The following MTA1 variants were observed in gnomAD, a reference collection of about 807,000 sequenced individuals.
MTA1 encodes the protein metastasis-associated protein MTA1.
A neutral mutation model predicts 97.0 loss-of-function variants in MTA1; 15 were observed. The observed-to-expected ratio is 0.15, with a 90% CI of 0.10 to 0.24. The LOEUF (loss-of-function observed/expected upper bound fraction) is 0.24, where lower values mean the gene tolerates loss of function less well. MTA1 is among the 10% of genes least tolerant of loss of function. The probability of loss-of-function intolerance (pLI) is 1.00; values close to 1 mark genes in which losing one functional copy is unlikely to be tolerated. For synonymous variants in MTA1, 435 were observed against 417.5 expected (o/e 1.04, Z -0.51); for missense variants, 709 against 1,015.1 (o/e 0.70, Z 4.10).
chr14:105,438,785 G>T lies in MTA1; in HGVS notation c.96+46G>T, dbSNP rs587626008. On this transcript the variant is annotated intron_variant, in intron 2 of 20. Transcript: ENST00000331320. ...TGCTGCAGGGGGGTAGTGGGTGGGG[G>T]CTACGCCAGCTCCTGCCCTGTGGGT... 3.1e-4 allele frequency: 497 copies of T among 1,593,990 alleles called. 11 individuals are homozygous for T. The South Asian group carries it at 5.0e-3, about 16-fold the overall frequency.
At chr14:105,427,279 T>C (rs1410609591) in intron 1 of MTA1, among the ~76,000 whole-genome samples, 1 of 152,246 alleles carries the variant, frequency 6.6e-6, no homozygotes, top group Non-Finnish European at 1.5e-5. Flanking sequence ...CGAGGCACCC[T>C]GCCCTCTGCC....
At chr14:105,450,029 G>A (rs1555428177) in intron 4 of MTA1, 29 bp from the exon 5 acceptor site, 9 of 1,613,036 alleles carry the variant, frequency 5.6e-6, no homozygotes, top group South Asian at 1.1e-5. Flanking sequence ...CGTCTGCCGC[G>A]GTGCTGACAG....
rs375653237 is a variant in MTA1, at chr14:105,423,063, G to A, written c.28+3000G>A. On this transcript the variant is annotated intron_variant, in intron 1 of 20. Transcript: ENST00000331320. ...AAGATGTTAGATAGCATCCAAAACA[G>A]GACAGCAGGAATCGGTGCCTGCCAG... Among the ~76,000 whole-genome samples, 73 of 152,290 alleles carry A rather than the reference G, an allele frequency of 4.8e-4. 1 individual carries two copies. Among genetic ancestry groups the A allele is most frequent in the African/African-American group, 1.7e-3 (69 of 41,564 alleles).
In MTA1 at chr14:105,467,804, C is replaced by G. The variant is rs375234219; in HGVS notation, c.1813+1062C>G. ...TGGCAGGGCGTCCCAGGAACAGCCCCATAAGAGCTGGTAGAAACAGGAGGG... is the reference window on the plus strand; with the variant it reads ...TGGCAGGGCGTCCCAGGAACAGCCCGATAAGAGCTGGTAGAAACAGGAGGG... On this transcript the variant is annotated intron_variant, in intron 18 of 20. Transcript: ENST00000331320. 2.2e-3 allele frequency: 588 copies of G among 269,242 alleles called. 6 individuals are homozygous for G. Among genetic ancestry groups the G allele is most frequent in the African/African-American group, 0.013 (549 of 43,424 alleles). 16.7% of individuals were successfully genotyped at this position (269,242 alleles called of 1,614,324 possible). A position where few individuals can be genotyped will look rare whatever the true frequency, so the allele number is the denominator to read the frequency against.
At chr14:105,464,181 C>T (rs782416378) in intron 13 of MTA1, 34 bp downstream of exon 13, 31 of 1,582,042 alleles carry the variant, frequency 2.0e-5, no homozygotes, top group Middle Eastern at 3.3e-4. Context: ...GCACACCGCA[C>T]GCCCGCCTGT....
chr14:105,444,209 T>G (rs998976120), intron 2 of MTA1, among the ~76,000 whole-genome samples: 3 of 150,674 alleles, frequency 2.0e-5, no homozygotes, highest in African/African-American at 7.3e-5. Flanking sequence ...CAGTCTCTAC[T>G]AAAAAATACA....
intron 18 of MTA1, 65 bp downstream of exon 18, chr14:105,466,807 T>C (rs1370230555): frequency 2.0e-6 from 3 of 1,510,636 alleles, no homozygotes; most frequent in African/African-American, 2.8e-5. Context: ...GCTGTGCTGC[T>C]CTGTGTCCCC....
At chr14:105,454,157 T>C in intron 6 of MTA1, 36 bp from the exon 7 acceptor site, 10 of 1,530,482 alleles carry the variant, frequency 6.5e-6, no homozygotes, top group Non-Finnish European at 9.0e-6. Context: ...AGCCTGACTG[T>C]GCTGACGCCT....
intron 8 of MTA1, among the ~76,000 whole-genome samples, chr14:105,459,125 G>A (rs1231217951): frequency 1.0e-5 from 1 of 96,034 alleles, no homozygotes; most frequent in South Asian, 5.0e-4. Context: ...CTGTGTGCCT[G>A]GGGGGAGTCC....
intron 3 of MTA1, among the ~76,000 whole-genome samples, chr14:105,446,278 A>T (rs2082715714): frequency 6.6e-6 from 1 of 152,036 alleles, no homozygotes; most frequent in African/African-American, 2.4e-5. Flanking sequence ...GGCAGGCATG[A>T]GGGGCATTTT....
In MTA1 at chr14:105,460,413, A is replaced by G; in HGVS notation, c.709A>G (p.Ser237Gly). 1 of 1,611,826 alleles carries G rather than the reference A, an allele frequency of 6.2e-7. No homozygotes were observed. ...LDCSSSVRQP[S>G]LHMSAAAASR... ...CTGCAGCAGCTCCGTCCGACAGCCC[A>G]GCCTGCACATGAGCGCCGCAGCTGC... Residue 237 changes from serine to glycine, a missense_variant, in exon 9 of 21, where the codon AGC becomes GGC. Ser to Gly is a moderately conservative substitution (Grantham distance 56, BLOSUM62 0). This residue lies in a region of MTA1 where 321 missense variants were observed against 593.5 expected (regional missense o/e 0.54). Coordinates refer to ENST00000331320, the MANE Select transcript of MTA1 (RefSeq NM_004689.4).
At chr14:105,468,927 G>A in intron 18 of MTA1, 1 of 318,634 alleles carries the variant, frequency 3.1e-6, no homozygotes, top group Admixed American at 4.4e-5. Context: ...ACTGTGGGAA[G>A]TCAGAGGCCT....
intron 1 of MTA1, among the ~76,000 whole-genome samples, chr14:105,430,458 C>T (rs2082145350): frequency 6.6e-6 from 1 of 152,046 alleles, no homozygotes; most frequent in African/African-American, 2.4e-5. Context: ...GGAGCAATGA[C>T]CACAGATCGC....
rs782655982 is a variant in MTA1 at position 105,469,418 on chromosome 14, C to T, written c.1814-49C>T. On this transcript the variant is annotated intron_variant, in intron 18 of 20. Coordinates refer to ENST00000331320, the MANE Select transcript of MTA1 (RefSeq NM_004689.4). ...GAGGCCGTGGTGGGCGGTGGGAGTGCAGGACGCGCTCTCTCGGGGCCTCAT... is the reference window on the plus strand; with the variant it reads ...GAGGCCGTGGTGGGCGGTGGGAGTGTAGGACGCGCTCTCTCGGGGCCTCAT... The T allele has an allele frequency of 9.3e-6, 15 of 1,604,812 alleles. No homozygotes were observed. The East Asian group carries it at 3.3e-4, about 36-fold the overall frequency.
chr14:105,425,730 C>T (rs2081989277), intron 1 of MTA1, among the ~76,000 whole-genome samples: 1 of 148,888 alleles, frequency 6.7e-6, no homozygotes, highest in Non-Finnish European at 1.5e-5. Flanking sequence ...TCTGAGTGTG[C>T]GGACTGGGGG....
chr14:105,470,564 T>A lies in MTA1; in HGVS notation c.*349T>A. On this transcript the variant is annotated 3_prime_UTR_variant, in exon 21 of 21. Transcript: ENST00000331320. ...CCATTTTAAATTTTATTTTTATTAC[T>A]TTTTTTGTAGATGAACTTGAGCTCT... The A allele has an allele frequency of 4.4e-6, 1 of 226,868 alleles. No homozygotes were observed. The highest frequency in any genetic ancestry group is 8.5e-6 in the Non-Finnish European group (1 of 118,234). The allele number at this position is 226,868 out of a possible 1,614,324, so 14.1% of individuals were successfully genotyped here.
chr14:105,428,404 C>T (rs587665875), intron 1 of MTA1, among the ~76,000 whole-genome samples: 1 of 152,148 alleles, frequency 6.6e-6, no homozygotes, highest in African/African-American at 2.4e-5. Flanking sequence ...GATCCTTCCA[C>T]CTCAGCCTCC....
chr14:105,460,421 C>T lies in MTA1; in HGVS notation c.717C>T (p.His239=). Residue 239 remains histidine (H), a synonymous_variant, in exon 9 of 21, where the codon CAC becomes CAT. Coordinates refer to ENST00000331320, the MANE Select transcript of MTA1 (RefSeq NM_004689.4). ...GCTCCGTCCGACAGCCCAGCCTGCA[C>T]ATGAGCGCCGCAGCTGCCTCCCGAG... ...CSSSVRQPSL[H]MSAAAASRDI... is the part of the protein sequence containing the mutation. The T allele has an allele frequency of 6.2e-7, 1 of 1,611,696 alleles. No homozygotes were observed. The highest frequency in any genetic ancestry group is 8.5e-7 in the Non-Finnish European group (1 of 1,179,438).
At chr14:105,457,928 AAATAATAAT>A (rs587603915) in intron 7 of MTA1, among the ~76,000 whole-genome samples, 3 of 150,692 alleles carry the variant, frequency 2.0e-5, no homozygotes, top group Non-Finnish European at 3.0e-5. Context: ...CCGTCTCAAA[AAATAATAAT>A]AATAATAATA....
Sources: allele counts gnomAD v4.1 joint callset (sites outside exome capture counted in the v4.1 genomes callset), GRCh38; gene constraint gnomAD v4.1.1; regional missense constraint gnomAD v4.1.1; transcripts MANE v1.5; gene names NCBI Gene and HGNC (gene_info 2026-07-23, HGNC 2026-07-21).